The following MYOM2 variants were observed in gnomAD, a reference collection of about 807,000 sequenced individuals.
MYOM2 encodes the protein myomesin-2.
In MYOM2, 254 loss-of-function variants were observed where a neutral mutation model predicts 187.6. The observed-to-expected ratio is 1.35, with a 90% CI of 1.22 to 1.50. MYOM2 has a LOEUF of 1.50. MYOM2 is among the 40% of genes most tolerant of loss of function. The pLI, the probability that MYOM2 is intolerant of heterozygous loss-of-function variation, is 0.00. For missense variants in MYOM2, 2,796 were observed against 1,924.0 expected (o/e 1.45, Z -8.48); for synonymous variants, 981 against 753.8 (o/e 1.30, Z -4.94).
chr8:2,114,174 C>T (rs1276476343), intron 25 of MYOM2, among the ~76,000 whole-genome samples: 10 of 152,212 alleles, frequency 6.6e-5, no homozygotes, highest in Non-Finnish European at 2.9e-5. Context: ...GCAGAGAGGC[C>T]TGCAAGCTCA....
At chr8:2,109,712 G>C (rs978636588) in intron 25 of MYOM2, among the ~76,000 whole-genome samples, 181 bp downstream of exon 25, 1 of 152,160 alleles carries the variant, frequency 6.6e-6, no homozygotes, top group African/African-American at 2.4e-5. Context: ...TCAAAGGTTT[G>C]GTCTGGGTTA....
chr8:2,050,828 G>A lies in MYOM2; in HGVS notation c.62G>A (p.Arg21His), dbSNP rs771989991. 39 of 1,613,224 alleles carry A rather than the reference G, an allele frequency of 2.4e-5. No homozygotes were observed. Among genetic ancestry groups the A allele is most frequent in the Non-Finnish European group, 2.5e-5 (30 of 1,179,318 alleles). The change falls in exon 2 of 37, where the codon CGT becomes CAT. Residue 21 changes from arginine (R) to histidine (H), a missense_variant. Physicochemically the swap from Arg to His is conservative, Grantham distance 29. Transcript: ENST00000262113. ...CATAGGCACTTCGACCAGTCCTACC[G>A]TAATATTCAAACACGGTACCTGCTG... is the stretch of plus-strand genomic sequence containing the variant. The part of the protein sequence containing the change: ...KRHRHFDQSY[R>H]NIQTRYLLDE...
intron 21 of MYOM2, among the ~76,000 whole-genome samples, chr8:2,103,387 C>T (rs113026045): frequency 0.015 from 1,808 of 121,638 alleles, 33 homozygotes; most frequent in African/African-American, 0.052. Flanking sequence ...AGTGGGAGAG[C>T]GTGCATGTGT....
At chr8:2,123,451 TC>T in intron 29 of MYOM2, 86 bp downstream of exon 29, 1 of 1,469,824 alleles carries the variant, frequency 6.8e-7, no homozygotes, top group Non-Finnish European at 9.5e-7. Flanking sequence ...CTAATTTGCA[TC>T]CTGAATTTCG....
intron 21 of MYOM2, among the ~76,000 whole-genome samples, chr8:2,103,228 G>C (rs1395928655): frequency 1.3e-5 from 2 of 150,714 alleles, no homozygotes; most frequent in Non-Finnish European, 3.0e-5. Flanking sequence ...TGTTTTATGT[G>C]TATATGTGTA....
chr8:2,111,854 C>G (rs889739453), intron 25 of MYOM2, among the ~76,000 whole-genome samples: 1 of 152,230 alleles, frequency 6.6e-6, no homozygotes, highest in Non-Finnish European at 1.5e-5. Flanking sequence ...TGCCAGTTTT[C>G]TGTTTAGAAA....
At chr8:2,080,894 C>G (rs888749950) in intron 13 of MYOM2, among the ~76,000 whole-genome samples, 4 of 147,344 alleles carry the variant, frequency 2.7e-5, no homozygotes, top group African/African-American at 1.0e-4. Flanking sequence ...CAGCCCAGCC[C>G]GTGCAGAATG....
chr8:2,102,280 T>C, intron 20 of MYOM2: 1 of 171,378 alleles, frequency 5.8e-6, no homozygotes, highest in South Asian at 1.7e-4. Context: ...CAAGTAGAGA[T>C]GGATTTAATT....
At chr8:2,065,341 C>A (rs943884033) in intron 6 of MYOM2, among the ~76,000 whole-genome samples, 1 of 152,116 alleles carries the variant, frequency 6.6e-6, no homozygotes, top group African/African-American at 2.4e-5. Flanking sequence ...GAGGCCGAGG[C>A]AGGTGAATCA....
chr8:2,104,426 C>T (rs1479068186), intron 21 of MYOM2, among the ~76,000 whole-genome samples: 1 of 152,024 alleles, frequency 6.6e-6, no homozygotes, highest in East Asian at 2.0e-4. Flanking sequence ...CACAGTGAAA[C>T]CCCGTCTCTA....
At chr8:2,100,128 CTTT>C (rs1287453696) in intron 19 of MYOM2, among the ~76,000 whole-genome samples, 3 of 68,386 alleles carry the variant, frequency 4.4e-5, no homozygotes, top group African/African-American at 1.5e-4. Context: ...TTCCTTCCTT[CTTT>C]CCTTCCTTCC....
At chr8:2,047,849 T>C (rs1478634390) in intron 1 of MYOM2, among the ~76,000 whole-genome samples, 2 of 152,142 alleles carry the variant, frequency 1.3e-5, no homozygotes, top group Non-Finnish European at 1.5e-5. Flanking sequence ...ACACATGAAG[T>C]GTTTGAAGAC....
intron 27 of MYOM2, among the ~76,000 whole-genome samples, chr8:2,116,760 A>ATT (rs201729546): frequency 2.0e-5 from 3 of 151,996 alleles, no homozygotes; most frequent in African/African-American, 7.3e-5. Context: ...TATTCAAAGA[A>ATT]TTTTTTTTCT....
chr8:2,052,352 G>A (rs370900166), intron 3 of MYOM2, 39 bp downstream of exon 3: 19 of 1,561,848 alleles, frequency 1.2e-5, no homozygotes, highest in South Asian at 6.0e-5. Context: ...TGTGCCCTGC[G>A]TGGGGTCACA....
At chr8:2,097,762 C>G (rs746983089) in intron 18 of MYOM2, among the ~76,000 whole-genome samples, 2 of 152,204 alleles carry the variant, frequency 1.3e-5, no homozygotes, top group African/African-American at 4.8e-5. Context: ...GGTGATCTGC[C>G]CGCCTCAGCC....
intron 31 of MYOM2, chr8:2,127,671 CGGTGA>C (rs2116874997): frequency 1.4e-5 from 2 of 141,788 alleles, no homozygotes; most frequent in African/African-American, 2.7e-5. Flanking sequence ...CGGCGTGACG[CGGTGA>C]CGCAGCCGCA....
At chr8:2,070,018 C>G (rs776873602) in intron 8 of MYOM2, among the ~76,000 whole-genome samples, 9 of 152,200 alleles carry the variant, frequency 5.9e-5, no homozygotes, top group Non-Finnish European at 1.3e-4. Context: ...CCGCCCCAGG[C>G]CTAGGACCTG....
At position 2,078,736 on chromosome 8, in the gene MYOM2, G is replaced by C. The variant is rs1378403396; in HGVS notation, c.1265G>C (p.Cys422Ser). ...SPVMGYFVDR[C>S]EVGTNNWVQC... ...GTTTTTCTTTTTTTAACTTGAAGAT[G>C]TGAAGTAGGAACGAATAATTGGGTG... Residue 422 changes from cysteine to serine, a missense_variant and splice_region_variant, in exon 12 of 37, where the codon TGT (cysteine) becomes TCT (serine). By Grantham distance (112) the Cys-to-Ser change is moderately radical (BLOSUM62 -1). Transcript: ENST00000262113. 6.2e-7 allele frequency: 1 copy of C among 1,614,088 alleles called. No individual in the cohort carries two copies. The highest frequency in any genetic ancestry group is 2.2e-5 in the East Asian group (1 of 44,878).
intron 6 of MYOM2, among the ~76,000 whole-genome samples, chr8:2,062,203 C>T (rs1392794826): frequency 6.6e-6 from 1 of 152,172 alleles, no homozygotes; most frequent in Non-Finnish European, 1.5e-5. Flanking sequence ...ATCACGGGGA[C>T]CCCGTGGGCC....
Sources: allele counts gnomAD v4.1 joint callset (sites outside exome capture counted in the v4.1 genomes callset), GRCh38; gene constraint gnomAD v4.1.1; transcripts MANE v1.5; gene names NCBI Gene and HGNC (gene_info 2026-07-23, HGNC 2026-07-21).